Variants in GRM1 observed in about 807,000 individuals in gnomAD.
GRM1 encodes the protein glutamate metabotropic receptor 1.
Under a neutral mutation model 90.9 loss-of-function variants are expected in GRM1, and 33 were observed. That is an observed-to-expected ratio of 0.36 (90% CI 0.28 to 0.49). GRM1 has a LOEUF of 0.49. Ranked by LOEUF, GRM1 falls within the 20% of genes least tolerant of loss-of-function variation. The pLI is 0.99. For missense variants in GRM1, 1,190 were observed against 1,534.3 expected, an observed-to-expected ratio of 0.78 and a Z score of 3.75; for synonymous variants, 700 against 613.2, an observed-to-expected ratio of 1.14 and a Z score of -2.09.
chr6:146,232,541 T>C (rs1415396068), intron 2 of GRM1, among the ~76,000 whole-genome samples: 1 of 152,094 alleles, frequency 6.6e-6, no homozygotes, highest in African/African-American at 2.4e-5. Flanking sequence ...AATCCAATTA[T>C]GCTCTTTTAG....
In GRM1 at chr6:146,352,503, T is replaced by G. The variant is rs920081960; in HGVS notation, c.1433+7T>G. ...AAGGAGACGCTCCTGGAAGGTAATC[T>G]TTTCAGTAATCAATCTAAGTAACCT... On this transcript the variant is annotated splice_region_variant and intron_variant, in intron 4 of 7. Coordinates refer to ENST00000282753, the MANE Select transcript of GRM1 (RefSeq NM_001278064.2). The G allele has an allele frequency of 1.2e-6, 2 of 1,613,146 alleles. No individual in the cohort carries two copies. The highest frequency in any genetic ancestry group is 2.7e-5 in the African/African-American group (2 of 74,918).
chr6:146,164,056 A>G (rs1583096985), intron 2 of GRM1, among the ~76,000 whole-genome samples: 2 of 150,434 alleles, frequency 1.3e-5, no homozygotes, highest in East Asian at 3.9e-4. Flanking sequence ...CTAATAGTTA[A>G]CTGATGGATC....
chr6:146,185,066 A>G (rs529521886), intron 2 of GRM1, among the ~76,000 whole-genome samples: 1 of 152,352 alleles, frequency 6.6e-6, no homozygotes, highest in African/African-American at 2.4e-5. Flanking sequence ...TGCGCACAAT[A>G]CATTAACCTC....
chr6:146,105,552 AG>A (rs1255509883), intron 1 of GRM1, among the ~76,000 whole-genome samples: 3 of 151,760 alleles, frequency 2.0e-5, no homozygotes, highest in Non-Finnish European at 4.4e-5. Flanking sequence ...AGAAACTTGG[AG>A]TTGTAACATG....
intron 2 of GRM1, among the ~76,000 whole-genome samples, chr6:146,207,972 T>C (rs898045615): frequency 6.6e-6 from 1 of 152,190 alleles, no homozygotes; most frequent in African/African-American, 2.4e-5. Flanking sequence ...CTGAGATTTT[T>C]CCCTCCTTTC....
At chr6:146,047,184 C>T (rs1040533799) in intron 1 of GRM1, among the ~76,000 whole-genome samples, 5 of 151,960 alleles carry the variant, frequency 3.3e-5, no homozygotes, top group African/African-American at 1.2e-4. Flanking sequence ...TGTCTTCCAT[C>T]TGCTATGTTA....
At chr6:146,298,355 G>A (rs548687347) in intron 2 of GRM1, among the ~76,000 whole-genome samples, 2 of 152,240 alleles carry the variant, frequency 1.3e-5, no homozygotes, top group Admixed American at 6.5e-5. Context: ...CTCCAGGGCT[G>A]CTTTAGAATG....
At chr6:146,322,758 C>G (rs564326671) in intron 3 of GRM1, among the ~76,000 whole-genome samples, 15 of 151,740 alleles carry the variant, frequency 9.9e-5, no homozygotes, top group African/African-American at 3.1e-4. Flanking sequence ...CCGCCCTCCA[C>G]CCACCCCACA....
At chr6:146,234,900 G>A (rs1408294201) in intron 2 of GRM1, among the ~76,000 whole-genome samples, 3 of 151,876 alleles carry the variant, frequency 2.0e-5, no homozygotes, top group Non-Finnish European at 4.4e-5. Context: ...GGGCCACCAC[G>A]CCGGACTAAT....
upstream of GRM1, chr6:146,027,828 G>A (rs1790544277): frequency 6.6e-6 from 1 of 152,278 alleles, no homozygotes; most frequent in Non-Finnish European, 1.5e-5. Context: ...AACAGACTCA[G>A]GTGAGCGGAC....
At chr6:146,405,494 C>A (rs750251334) in intron 7 of GRM1, among the ~76,000 whole-genome samples, 1 of 152,162 alleles carries the variant, frequency 6.6e-6, no homozygotes, top group African/African-American at 2.4e-5. Flanking sequence ...AACTGAGCTG[C>A]TGAAATAAAA....
At chr6:146,342,418 T>C (rs1785016323) in intron 3 of GRM1, among the ~76,000 whole-genome samples, 2 of 152,222 alleles carry the variant, frequency 1.3e-5, no homozygotes, top group South Asian at 4.1e-4. Context: ...AAATATCACA[T>C]CTTCCCATTA....
At chr6:146,139,918 T>TTCCCTTCCCTTCCCTTCCCC (rs1776778473) in intron 1 of GRM1, among the ~76,000 whole-genome samples, 1 of 52,916 alleles carries the variant, frequency 1.9e-5, no homozygotes, top group Admixed American at 2.3e-4. Flanking sequence ...TTCCCTTCCC[T>TTCCCTTCCCTTCCCTTCCCC]CCCCTCCCCT....
chr6:146,295,488 C>T (rs181144397), intron 2 of GRM1, among the ~76,000 whole-genome samples: 8 of 152,184 alleles, frequency 5.3e-5, no homozygotes, highest in African/African-American at 1.4e-4. Flanking sequence ...ACACCTCAGC[C>T]TCCCAAAGTG....
chr6:146,349,855 T>A (rs1278341717), intron 3 of GRM1, among the ~76,000 whole-genome samples: 2 of 152,252 alleles, frequency 1.3e-5, no homozygotes, highest in Non-Finnish European at 2.9e-5. Flanking sequence ...TGTATACATC[T>A]ATGTACATAT....
intron 2 of GRM1, among the ~76,000 whole-genome samples, chr6:146,266,734 G>A (rs975327049): frequency 1.3e-5 from 2 of 152,152 alleles, no homozygotes; most frequent in African/African-American, 2.4e-5. Flanking sequence ...CATTCACCGC[G>A]TGCTAACGAA....
chr6:146,029,770 A>G lies in GRM1; in HGVS notation c.253A>G (p.Thr85Ala), dbSNP rs1363687568. 1.2e-6 allele frequency: 2 copies of G among 1,614,048 alleles called. No individual in the cohort carries two copies. The highest frequency in any genetic ancestry group is 1.7e-5 in the Admixed American group (1 of 60,016). Residue 85 changes from threonine to alanine, a missense_variant, in exon 1 of 8, where the codon ACG becomes GCG. Thr to Ala is a moderately conservative substitution (Grantham distance 58, BLOSUM62 0). Around this residue, in one of 10 missense-constraint regions of GRM1, gnomAD observed 91 missense variants for 95.6 expected, o/e 0.95. Transcript: ENST00000282753. ...GIQRVEAMFH[T>A]LDKINADPVL... ...CCAGAGGGTGGAGGCCATGTTCCAC[A>G]CGTTGGATAAGATCAACGCGGACCC... is the stretch of plus-strand genomic sequence containing the variant.
intron 2 of GRM1, among the ~76,000 whole-genome samples, chr6:146,203,373 C>T (rs1021052410): frequency 3.2e-4 from 49 of 152,188 alleles, no homozygotes; most frequent in African/African-American, 1.1e-3. Flanking sequence ...TGTTGTTGCT[C>T]TGTCCTCCAC....
chr6:146,278,627 T>C (rs1256061611), intron 2 of GRM1, among the ~76,000 whole-genome samples: 1 of 151,976 alleles, frequency 6.6e-6, no homozygotes, highest in Non-Finnish European at 1.5e-5. Flanking sequence ...AATACAAAAA[T>C]ACAAAAATTA....
Sources: gnomAD v4.1 joint callset for allele counts (sites outside exome capture counted in the v4.1 genomes callset) on GRCh38, gnomAD v4.1.1 for gene constraint, gnomAD v4.1.1 regional missense constraint, MANE v1.5 for transcripts, NCBI Gene and HGNC (gene_info 2026-07-23, HGNC 2026-07-21) for gene names.